SLC9A9: variants seen among roughly 807,000 people sequenced by gnomAD.
SLC9A9 encodes the protein sodium/hydrogen exchanger 9.
A neutral mutation model predicts 77.8 loss-of-function variants in SLC9A9; 62 were observed. That is an observed-to-expected ratio of 0.80 (90% CI 0.65 to 0.98). The LOEUF (loss-of-function observed/expected upper bound fraction) is 0.98. Ranked by LOEUF, SLC9A9 falls within the 50% of genes least tolerant of loss-of-function variation. The pLI is 0.00. For missense variants in SLC9A9, 775 were observed against 774.9 expected (o/e 1.00, Z 0.00); for synonymous variants, 320 against 283.5 (o/e 1.13, Z -1.29).
At chr3:143,296,409 G>A (rs531436372) in intron 14 of SLC9A9, among the ~76,000 whole-genome samples, 75 of 152,142 alleles carry the variant, frequency 4.9e-4, no homozygotes, top group African/African-American at 1.6e-3. Context: ...TCTTTTTTAA[G>A]GCTGAATAAT....
chr3:143,493,842 T>C (rs2035790341), intron 10 of SLC9A9, 78 bp from the exon 11 acceptor site: 1 of 1,036,924 alleles, frequency 9.6e-7, no homozygotes, highest in Non-Finnish European at 1.5e-6. Context: ...AAATATTATG[T>C]CCTCAAGCTT....
At chr3:143,683,335 A>T (rs1434013870) in intron 5 of SLC9A9, among the ~76,000 whole-genome samples, 2 of 152,168 alleles carry the variant, frequency 1.3e-5, no homozygotes, top group African/African-American at 4.8e-5. Flanking sequence ...TTACAGAAAT[A>T]TGAGGATATA....
At chr3:143,647,979 A>G (rs2038732120) in intron 6 of SLC9A9, among the ~76,000 whole-genome samples, 1 of 152,196 alleles carries the variant, frequency 6.6e-6, no homozygotes, top group East Asian at 1.9e-4. Flanking sequence ...AATGTTCACT[A>G]GAAGCAGACT....
At chr3:143,704,934 G>T (rs1933917934) in intron 4 of SLC9A9, among the ~76,000 whole-genome samples, 1 of 151,900 alleles carries the variant, frequency 6.6e-6, no homozygotes, top group Non-Finnish European at 1.5e-5. Flanking sequence ...GGAGGTTGCA[G>T]TCAGCTGAGA....
At chr3:143,343,186 T>C (rs891661392) in intron 14 of SLC9A9, among the ~76,000 whole-genome samples, 2 of 152,346 alleles carry the variant, frequency 1.3e-5, no homozygotes, top group African/African-American at 4.8e-5. Context: ...GTGTATCCTA[T>C]AGACTTAATA....
chr3:143,728,669 C>T (rs191786930), intron 4 of SLC9A9, among the ~76,000 whole-genome samples: 1 of 152,104 alleles, frequency 6.6e-6, no homozygotes, highest in East Asian at 1.9e-4. Flanking sequence ...GAGACCATTG[C>T]CGTATTCCAA....
chr3:143,616,864 T>C (rs2038115335), intron 6 of SLC9A9, among the ~76,000 whole-genome samples: 1 of 152,162 alleles, frequency 6.6e-6, no homozygotes, highest in African/African-American at 2.4e-5. Flanking sequence ...GTGTATCTTT[T>C]ATCAATTGCT....
chr3:143,428,925 G>A (rs1024563359), intron 12 of SLC9A9, among the ~76,000 whole-genome samples: 2 of 152,174 alleles, frequency 1.3e-5, no homozygotes, highest in Non-Finnish European at 2.9e-5. Flanking sequence ...GTGGGGATGG[G>A]GATCAGGAGG....
chr3:143,789,412 C>A (rs958211772), intron 4 of SLC9A9, among the ~76,000 whole-genome samples: 1 of 152,160 alleles, frequency 6.6e-6, no homozygotes, highest in Admixed American at 6.5e-5. Context: ...ATGAAAAATT[C>A]TCTGCTTCCC....
chr3:143,671,668 ACT>A (rs1388876830), intron 5 of SLC9A9, among the ~76,000 whole-genome samples: 1 of 152,240 alleles, frequency 6.6e-6, no homozygotes, highest in African/African-American at 2.4e-5. Flanking sequence ...AGGGTTTTAA[ACT>A]GATGCTATTC....
chr3:143,787,984 T>C (rs552290443), intron 4 of SLC9A9, among the ~76,000 whole-genome samples: 5 of 152,074 alleles, frequency 3.3e-5, no homozygotes, highest in Non-Finnish European at 2.9e-5. Context: ...CTACAAGATA[T>C]ACAGACTTAT....
chr3:143,822,772 T>C lies in SLC9A9; in HGVS notation c.378+9247A>G, dbSNP rs1045958656. On this transcript the variant is annotated intron_variant, in intron 2 of 15. Coordinates refer to ENST00000316549, the MANE Select transcript of SLC9A9 (RefSeq NM_173653.4). ...ATTGAAAGATCCATTGTAAATATTA[T>C]TTACTCAGACTTAAAGTACAATGGG... Among the ~76,000 whole-genome samples the C allele has an allele frequency of 2.0e-5, 3 of 152,354 alleles. No homozygotes were observed. In the East Asian group the frequency reaches 5.8e-4, roughly 29 times the overall value.
chr3:143,391,141 C>T (rs2033555867), intron 12 of SLC9A9, among the ~76,000 whole-genome samples: 1 of 152,242 alleles, frequency 6.6e-6, no homozygotes, highest in Non-Finnish European at 1.5e-5. Context: ...TGAGAACAGA[C>T]AGATATGCCT....
intron 2 of SLC9A9, among the ~76,000 whole-genome samples, chr3:143,807,333 C>T (rs1230010048): frequency 6.6e-6 from 1 of 152,084 alleles, no homozygotes; most frequent in East Asian, 1.9e-4. Flanking sequence ...TGTTGCAGTC[C>T]AAAAAGTTTT....
At chr3:143,830,749 A>C (rs191770482) in intron 2 of SLC9A9, among the ~76,000 whole-genome samples, 88 of 152,354 alleles carry the variant, frequency 5.8e-4, no homozygotes, top group African/African-American at 2.1e-3. Context: ...ACAAGTTTAA[A>C]AAATATTTAT....
intron 2 of SLC9A9, among the ~76,000 whole-genome samples, chr3:143,800,007 C>T (rs1173253692): frequency 6.6e-6 from 1 of 152,170 alleles, no homozygotes; most frequent in Admixed American, 6.5e-5. Flanking sequence ...CTTTTAAGCA[C>T]TCCTTTTTAG....
intron 9 of SLC9A9, among the ~76,000 whole-genome samples, chr3:143,548,455 T>C (rs1179699382): frequency 2.6e-5 from 4 of 152,094 alleles, no homozygotes; most frequent in Non-Finnish European, 5.9e-5. Flanking sequence ...TGAGTATCCC[T>C]AGCACTGCTC....
chr3:143,667,879 T>A (rs1009597076), intron 5 of SLC9A9, among the ~76,000 whole-genome samples: 5 of 152,162 alleles, frequency 3.3e-5, no homozygotes, highest in African/African-American at 1.2e-4. Context: ...TCTTACACTG[T>A]TGGTGGGAGT....
At chr3:143,506,784 T>C (rs1349795705) in intron 9 of SLC9A9, among the ~76,000 whole-genome samples, 1 of 152,060 alleles carries the variant, frequency 6.6e-6, no homozygotes, top group African/African-American at 2.4e-5. Context: ...ACTGGTCCTT[T>C]GAAAAAACAA....
Sources: allele counts gnomAD v4.1 joint callset (sites outside exome capture counted in the v4.1 genomes callset), GRCh38; gene constraint gnomAD v4.1.1; transcripts MANE v1.5; gene names NCBI Gene and HGNC (gene_info 2026-07-23, HGNC 2026-07-21).